The following ARHGEF38 variants were observed in gnomAD, a reference collection of about 807,000 sequenced individuals.
The protein encoded by ARHGEF38 is Rho guanine nucleotide exchange factor (GEF) 38.
ARHGEF38 carries 79 observed loss-of-function variants against 79.9 expected under a neutral mutation model. The ratio of observed to expected loss-of-function variants is 0.99; its 90% confidence interval spans 0.82 to 1.19. The LOEUF (loss-of-function observed/expected upper bound fraction) is 1.19, where lower values mean the gene tolerates loss of function less well. ARHGEF38 is among the 50% of genes most tolerant of loss of function. ARHGEF38 has a pLI of 0.00. For missense variants in ARHGEF38, 962 were observed against 907.2 expected, an observed-to-expected ratio of 1.06 and a Z score of -0.78; for synonymous variants, 366 against 328.3, an observed-to-expected ratio of 1.11 and a Z score of -1.24.
At chr4:105,627,256 G>A (rs193022201) in intron 3 of ARHGEF38, among the ~76,000 whole-genome samples, 186 of 152,194 alleles carry the variant, frequency 1.2e-3, no homozygotes, top group African/African-American at 4.3e-3. Flanking sequence ...AACAAAACCC[G>A]GGACAAGGAG....
At chr4:105,643,872 CTTTTTTTTT>C (rs5860804) in intron 5 of ARHGEF38, among the ~76,000 whole-genome samples, 5 of 98,100 alleles carry the variant, frequency 5.1e-5, no homozygotes, top group African/African-American at 2.6e-4. Flanking sequence ...TGCCTTCCTA[CTTTTTTTTT>C]TTTTTTTTTT....
chr4:105,656,039 A>G (rs1730308857), intron 9 of ARHGEF38, among the ~76,000 whole-genome samples: 1 of 152,120 alleles, frequency 6.6e-6, no homozygotes, highest in Non-Finnish European at 1.5e-5. Flanking sequence ...TAAGTTAGAA[A>G]GCTTTGCTTT....
Position 105,659,222 on chromosome 4 carries a change from G to A in ARHGEF38, c.1402G>A (p.Ala468Thr). 1 of 1,536,006 alleles carries A rather than the reference G, an allele frequency of 6.5e-7. No individual in the cohort carries two copies. The highest frequency in any genetic ancestry group is 1.2e-5 in the South Asian group (1 of 84,048). ...AGACTTGGCCAAAAAGGAGTATGAG[G>A]CCCTCAACGCCCAGCTTGTGGAGGA... ...ESDLAKKEYE[A>T]LNAQLVEELQ... Residue 468 changes from alanine (A) to threonine (T), a missense_variant, in exon 10 of 14, where the codon GCC becomes ACC. Transcript: ENST00000420470.
At position 105,666,221 on chromosome 4, in the gene ARHGEF38, A is replaced by T; in HGVS notation, c.1590A>T (p.Val530=). 6.5e-7 allele frequency: 1 copy of T among 1,535,356 alleles called. No individual in the cohort carries two copies. The highest frequency in any genetic ancestry group is 2.4e-5 in the East Asian group (1 of 40,850). ...GCATTTCTGAGATTCAGAATCAAGT[A>T]CTAGAAGAGATCCAAAATTTGAATT... ...VSSISEIQNQ[V]LEEIQNLNCV... Residue 530 remains valine, a synonymous_variant, in exon 11 of 14, where the codon GTA becomes GTT. Transcript: ENST00000420470.
intron 3 of ARHGEF38, among the ~76,000 whole-genome samples, chr4:105,621,119 C>T (rs1160683960): frequency 1.3e-5 from 2 of 152,184 alleles, no homozygotes; most frequent in Admixed American, 6.5e-5. Context: ...TGAAATTAGT[C>T]ATCTCGGACA....
intron 2 of ARHGEF38, among the ~76,000 whole-genome samples, chr4:105,602,009 G>A (rs373623123): frequency 7.9e-5 from 12 of 152,142 alleles, no homozygotes; most frequent in African/African-American, 2.9e-4. Flanking sequence ...CTTTATACAT[G>A]AGCAGCAATA....
intron 2 of ARHGEF38, among the ~76,000 whole-genome samples, chr4:105,603,687 T>C (rs1727920018): frequency 6.6e-6 from 1 of 152,174 alleles, no homozygotes; most frequent in Non-Finnish European, 1.5e-5. Context: ...ATGTTTATAC[T>C]AGCTTCCACA....
intron 10 of ARHGEF38, among the ~76,000 whole-genome samples, chr4:105,661,776 A>G (rs913250585): frequency 2.6e-5 from 4 of 151,892 alleles, no homozygotes; most frequent in Admixed American, 6.6e-5. Flanking sequence ...AAAGGTAACC[A>G]TTTTTCTAAC....
chr4:105,659,140 C>T lies in ARHGEF38; in HGVS notation c.1320C>T (p.Arg440=). 1.3e-6 allele frequency: 2 copies of T among 1,536,156 alleles called. No homozygotes were observed. Among genetic ancestry groups the T allele is most frequent in the Admixed American group, 2.0e-5 (1 of 50,988 alleles). The change falls in exon 10 of 14, where the codon CGC becomes CGT. Residue 440 remains arginine (R), a synonymous_variant. Transcript: ENST00000420470. The part of the protein sequence containing the change: ...FPGPHKLIQK[R]YDKLLDCNSY... ...GGCCTCACAAGCTCATCCAGAAACG[C>T]TATGACAAACTGCTGGATTGCAACA...
At chr4:105,682,148 C>A (rs1224015679), downstream of ARHGEF38, among the ~76,000 whole-genome samples, 1 of 151,626 alleles carries the variant, frequency 6.6e-6, no homozygotes, top group Non-Finnish European at 1.5e-5. Flanking sequence ...AAGATATACC[C>A]TTAAATAATT....
chr4:105,655,509 T>G, intron 8 of ARHGEF38, 94 bp from the exon 9 acceptor site: 1 of 1,280,702 alleles, frequency 7.8e-7, no homozygotes, highest in Non-Finnish European at 1.1e-6. Context: ...TCAGTGATAA[T>G]TAAGGGTTAT....
intron 7 of ARHGEF38, among the ~76,000 whole-genome samples, chr4:105,649,476 C>T (rs1277486562): frequency 6.6e-6 from 1 of 152,152 alleles, no homozygotes; most frequent in Non-Finnish European, 1.5e-5. Context: ...AACACACTTG[C>T]AATTCTTTGA....
intron 9 of ARHGEF38, 151 bp from the exon 10 acceptor site, chr4:105,658,903 A>T (rs1233658725): frequency 2.9e-6 from 2 of 681,332 alleles, no homozygotes; most frequent in Non-Finnish European, 4.8e-6. Flanking sequence ...GCCAGACACA[A>T]AATGATCAGA....
chr4:105,656,801 T>A (rs1730346134), intron 9 of ARHGEF38, among the ~76,000 whole-genome samples: 1 of 151,994 alleles, frequency 6.6e-6, no homozygotes, highest in Non-Finnish European at 1.5e-5. Flanking sequence ...CATCAAGACG[T>A]TGTGACAACC....
At position 105,585,648 on chromosome 4, in the gene ARHGEF38, T is replaced by C. The variant is rs190497099; in HGVS notation, c.197-3600T>C. ...GTTTCACTTTGGCTTTGACATTGTA[T>C]TTTATTATATGCAAACTATTGGGAA... On this transcript the variant is annotated intron_variant, in intron 1 of 13. Coordinates refer to ENST00000420470, the MANE Select transcript of ARHGEF38 (RefSeq NM_001242729.2). 3.3e-3 allele frequency among the ~76,000 whole-genome samples: 506 copies of C among 152,184 alleles called. 2 individuals are homozygous for C. The highest frequency in any genetic ancestry group is 0.012 in the African/African-American group (481 of 41,526).
chr4:105,625,726 G>T (rs1276293640), intron 3 of ARHGEF38, among the ~76,000 whole-genome samples: 1 of 152,168 alleles, frequency 6.6e-6, no homozygotes, highest in East Asian at 1.9e-4. Flanking sequence ...CAATTGGATG[G>T]GAGGGTGGGA....
chr4:105,618,448 C>A (rs1176632602), intron 3 of ARHGEF38, among the ~76,000 whole-genome samples: 1 of 151,988 alleles, frequency 6.6e-6, no homozygotes, highest in Non-Finnish European at 1.5e-5. Flanking sequence ...ATGGTGAAAC[C>A]CTACTCTACT....
intron 1 of ARHGEF38, among the ~76,000 whole-genome samples, chr4:105,555,443 GT>G (rs1162391880): frequency 6.6e-6 from 1 of 152,138 alleles, no homozygotes; most frequent in Non-Finnish European, 1.5e-5. Context: ...CTGTGCGTTT[GT>G]TCTCTGGCCT....
chr4:105,637,578 C>A (rs1729449483), intron 5 of ARHGEF38, among the ~76,000 whole-genome samples: 1 of 152,120 alleles, frequency 6.6e-6, no homozygotes. Flanking sequence ...GGAAATGGCT[C>A]TGCCTCATTA....
Sources: allele counts gnomAD v4.1 joint callset (sites outside exome capture counted in the v4.1 genomes callset), GRCh38; gene constraint gnomAD v4.1.1; transcripts MANE v1.5; gene names NCBI Gene and HGNC (gene_info 2026-07-23, HGNC 2026-07-21).